Variants in SLC17A5 observed in about 807,000 individuals in gnomAD.
The protein encoded by SLC17A5 is sialin.
Under a neutral mutation model 59.4 loss-of-function variants are expected in SLC17A5, and 47 were observed. The observed-to-expected ratio is 0.79, with a 90% CI of 0.63 to 1.01. The LOEUF is 1.01. SLC17A5 is among the 50% of genes least tolerant of loss of function. SLC17A5 has a pLI of 0.00. For synonymous variants in SLC17A5, 202 were observed against 210.7 expected, an observed-to-expected ratio of 0.96 and a Z score of 0.36; for missense variants, 522 against 595.5, an observed-to-expected ratio of 0.88 and a Z score of 1.28.
chr6:73,641,204 C>T (rs1344064402), intron 3 of SLC17A5, among the ~76,000 whole-genome samples: 7 of 152,224 alleles, frequency 4.6e-5, no homozygotes, highest in African/African-American at 1.2e-4. Flanking sequence ...TTCATCCTCC[C>T]GAGTAGCTGC....
intron 2 of SLC17A5, among the ~76,000 whole-genome samples, chr6:73,643,575 C>A: frequency 6.6e-6 from 1 of 152,162 alleles, no homozygotes; most frequent in East Asian, 1.9e-4. Flanking sequence ...CTCCCAGGTT[C>A]AAGCAATTCT....
rs2150070671 is a variant in SLC17A5, at chr6:73,594,585, C to T, written c.*492G>A. On this transcript the variant is annotated 3_prime_UTR_variant, in exon 11 of 11. Coordinates refer to ENST00000355773, the MANE Select transcript of SLC17A5 (RefSeq NM_012434.5). ...AGTGCTTGGCAGCTGCCTGGGCACA[C>T]TCCCCTCAGTCCAGTTGCCAGGCGA... 2 of 176,332 alleles carry T rather than the reference C, an allele frequency of 1.1e-5. 1 individual carries two copies. The highest frequency in any genetic ancestry group is 2.4e-5 in the Non-Finnish European group (2 of 82,726). 10.9% of individuals were successfully genotyped at this position (176,332 alleles called of 1,614,324 possible).
chr6:73,643,812 T>G (rs1769414352), intron 2 of SLC17A5, among the ~76,000 whole-genome samples: 1 of 152,226 alleles, frequency 6.6e-6, no homozygotes, highest in South Asian at 2.1e-4. Context: ...CTAGCTTTTC[T>G]TTCTGTACTA....
chr6:73,626,294 A>C (rs562116663), intron 6 of SLC17A5, among the ~76,000 whole-genome samples: 1 of 152,316 alleles, frequency 6.6e-6, no homozygotes, highest in East Asian at 1.9e-4. Flanking sequence ...GCAGGTTCTC[A>C]ATAGCTGCTT....
chr6:73,607,184 TTC>T (rs1205684150), intron 9 of SLC17A5, among the ~76,000 whole-genome samples: 1 of 152,222 alleles, frequency 6.6e-6, no homozygotes, highest in Admixed American at 6.5e-5. Flanking sequence ...TCTGTGCGTG[TTC>T]TATTTAATCT....
intron 6 of SLC17A5, among the ~76,000 whole-genome samples, chr6:73,633,240 C>T (rs1170919577): frequency 6.6e-6 from 1 of 150,586 alleles, no homozygotes; most frequent in Non-Finnish European, 1.5e-5. Context: ...ATGAGCTCTC[C>T]ACCTGGTTAA....
At chr6:73,616,966 T>C (rs1767900930) in intron 7 of SLC17A5, among the ~76,000 whole-genome samples, 1 of 151,736 alleles carries the variant, frequency 6.6e-6, no homozygotes, top group African/African-American at 2.4e-5. Context: ...TCATCAAGCA[T>C]TGCCTATTCT....
rs551312567 is a variant in SLC17A5 at position 73,618,045 on chromosome 6, C to T, written c.979-2598G>A. On this transcript the variant is annotated intron_variant, in intron 7 of 10. Coordinates refer to ENST00000355773, the MANE Select transcript of SLC17A5 (RefSeq NM_012434.5). ...AGGAGTTTGAGACCAGCCTGGCCAA[C>T]ATGGTAAAACCCTGTCTCTACAAAA... 3.3e-5 allele frequency among the ~76,000 whole-genome samples: 5 copies of T among 152,006 alleles called. No individual in the cohort carries two copies. The South Asian group carries it at 1.0e-3, about 32-fold the overall frequency.
chr6:73,645,286 T>C lies in SLC17A5; in HGVS notation c.95-683A>G, dbSNP rs917151324. On this transcript the variant is annotated intron_variant, in intron 1 of 10. Transcript: ENST00000355773. The stretch of plus-strand genomic sequence containing the variant: ...ATGAAATTTCTCTTGATAAATTTCT[T>C]ACCTCGAAGAGTATCCTCAAAGGCT... 4.1e-6 allele frequency: 4 copies of C among 983,732 alleles called. No homozygotes were observed. In the African/African-American group the frequency reaches 7.0e-5, roughly 17 times the overall value. The allele number at this position is 983,732 out of a possible 1,614,324, so 60.9% of individuals were successfully genotyped here. A position where few individuals can be genotyped will look rare whatever the true frequency, so the allele number is the denominator to read the frequency against.
chr6:73,605,197 G>A (rs895783380), intron 9 of SLC17A5, among the ~76,000 whole-genome samples: 4 of 152,054 alleles, frequency 2.6e-5, no homozygotes, highest in African/African-American at 7.2e-5. Flanking sequence ...CACCCAATTT[G>A]TCTGATTCTG....
chr6:73,601,195 G>A (rs56162763), intron 9 of SLC17A5, among the ~76,000 whole-genome samples: 8,064 of 144,122 alleles, frequency 0.056, 368 homozygotes, highest in Admixed American at 0.16. Flanking sequence ...CTGCCCCGCC[G>A]CCCCGTCTGG....
intron 7 of SLC17A5, 64 bp downstream of exon 7, chr6:73,621,740 A>G (rs780744647): frequency 1.4e-4 from 191 of 1,320,394 alleles, no homozygotes; most frequent in Non-Finnish European, 1.9e-4. Flanking sequence ...TATACAGATG[A>G]GAACAAATTC....
intron 9 of SLC17A5, among the ~76,000 whole-genome samples, chr6:73,601,639 G>A (rs558306336): frequency 1.1e-5 from 1 of 90,392 alleles, no homozygotes; most frequent in Non-Finnish European, 2.3e-5. Context: ...AGGGAGGTGG[G>A]GGGGGGTCAG....
chr6:73,642,968 C>G (rs1354310157), intron 2 of SLC17A5, among the ~76,000 whole-genome samples: 1 of 151,988 alleles, frequency 6.6e-6, no homozygotes, highest in African/African-American at 2.4e-5. Context: ...GATGTGTACC[C>G]AAATGTTACT....
intron 3 of SLC17A5, among the ~76,000 whole-genome samples, chr6:73,640,956 C>T (rs560062611): frequency 2.0e-4 from 31 of 151,950 alleles, no homozygotes; most frequent in Admixed American, 1.2e-3. Flanking sequence ...AAAGAATAAG[C>T]GATAAAAAAG....
At chr6:73,597,482 CAA>C (rs763611168) in intron 10 of SLC17A5, among the ~76,000 whole-genome samples, 1 of 148,290 alleles carries the variant, frequency 6.7e-6, no homozygotes, top group Non-Finnish European at 1.5e-5. Flanking sequence ...CAAAACAAAA[CAA>C]AACAAAAAAA....
rs202240685 is a variant in SLC17A5 at position 73,651,483 on chromosome 6, A to C, written c.94+2310T>G. On this transcript the variant is annotated intron_variant, in intron 1 of 10. Coordinates refer to ENST00000355773, the MANE Select transcript of SLC17A5 (RefSeq NM_012434.5). Reference sequence around the variant, plus strand: ...CTCAAAAAAAAAAAAAAAAAAAAAAAATCAGGACATAATTGAGGAAATATG... The same window carrying C: ...CTCAAAAAAAAAAAAAAAAAAAAAACATCAGGACATAATTGAGGAAATATG... 1.0e-3 allele frequency among the ~76,000 whole-genome samples: 140 copies of C among 133,918 alleles called. 6 individuals are homozygous for C. Among genetic ancestry groups the C allele is most frequent in the Non-Finnish European group, 1.4e-3 (85 of 59,862 alleles). 87.9% of individuals were successfully genotyped at this position (133,918 alleles called of 152,430 possible).
intron 6 of SLC17A5, among the ~76,000 whole-genome samples, chr6:73,623,137 A>G (rs1196548476): frequency 6.6e-6 from 1 of 151,844 alleles, no homozygotes; most frequent in African/African-American, 2.4e-5. Flanking sequence ...CCCCACTTCA[A>G]GTCGGATTCT....
At position 73,615,387 on chromosome 6, in the gene SLC17A5, G is replaced by C; in HGVS notation, c.1039C>G (p.Gln347Glu). Residue 347 changes from glutamine to glutamate, a missense_variant, in exon 8 of 11, where the codon CAA becomes GAA. Physicochemically the swap from Gln to Glu is conservative, Grantham distance 29. This residue lies in a region of SLC17A5 where 31 missense variants were observed against 63.2 expected (regional missense o/e 0.49). Transcript: ENST00000355773. ...TTTGCCCTTAAATTGTCAGCAGCTT[G>C]ACCAGACAGGATCATACATAACCAA... ...GSWLCMILSG[Q>E]AADNLRAKWN... The C allele has an allele frequency of 6.2e-7, 1 of 1,613,844 alleles. No homozygotes were observed. The highest frequency in any genetic ancestry group is 8.5e-7 in the Non-Finnish European group (1 of 1,179,928).
Sources: allele counts gnomAD v4.1 joint callset (sites outside exome capture counted in the v4.1 genomes callset), GRCh38; gene constraint gnomAD v4.1.1; regional missense constraint gnomAD v4.1.1; transcripts MANE v1.5; gene names NCBI Gene and HGNC (gene_info 2026-07-23, HGNC 2026-07-21).